PSMD5: variants seen among roughly 807,000 people sequenced by gnomAD.
The protein encoded by PSMD5 is 26S proteasome non-ATPase regulatory subunit 5.
PSMD5 carries 40 observed loss-of-function variants against 52.1 expected under a neutral mutation model. The observed-to-expected ratio is 0.77, with a 90% CI of 0.60 to 1.00. The LOEUF (loss-of-function observed/expected upper bound fraction) is 1.00. PSMD5 is among the 50% of genes least tolerant of loss of function. PSMD5 has a pLI of 0.00. For synonymous variants in PSMD5, 211 were observed against 226.6 expected, an observed-to-expected ratio of 0.93 and a Z score of 0.62; for missense variants, 575 against 605.2, an observed-to-expected ratio of 0.95 and a Z score of 0.52.
At chr9:120,831,660 T>C in intron 3 of PSMD5, 172 bp downstream of exon 3, 2 of 1,126,018 alleles carry the variant, frequency 1.8e-6, no homozygotes, top group Non-Finnish European at 2.5e-6. Flanking sequence ...GAAAGGGGTT[T>C]ACTAGTATTT....
At chr9:120,842,119 C>T (rs753131145) in intron 1 of PSMD5, 20 of 153,880 alleles carry the variant, frequency 1.3e-4, no homozygotes, top group Non-Finnish European at 2.3e-4. Context: ...CCCCTAAACG[C>T]TTTTGGACTG....
At chr9:120,842,584 C>T (rs554597865) in intron 1 of PSMD5, 153 bp downstream of exon 1, 7 of 937,598 alleles carry the variant, frequency 7.5e-6, no homozygotes, top group African/African-American at 6.6e-5. Flanking sequence ...CCATCTCCTG[C>T]CTCTGAACCC....
rs756283653 is a variant in PSMD5 at position 120,821,450 on chromosome 9, G to A, written c.1021C>T (p.Arg341Cys). Residue 341 changes from arginine (R) to cysteine (C), a missense_variant, in exon 8 of 10, where the codon CGC becomes TGC. Transcript: ENST00000210313. ...TGATGTCCTATTCTCATAAGCAAGCGTTCAAAGCGAGTTCCTTTGAAGGAT... is the reference window on the plus strand; with the variant it reads ...TGATGTCCTATTCTCATAAGCAAGCATTCAAAGCGAGTTCCTTTGAAGGAT... Reference protein sequence around the residue: ...VLQKTGTRFERLLMRIGHQSK... With the variant: ...VLQKTGTRFECLLMRIGHQSK... 18 of 1,593,046 alleles carry A rather than the reference G, an allele frequency of 1.1e-5. No individual in the cohort carries two copies. The highest frequency in any genetic ancestry group is 7.4e-5 in the Admixed American group (4 of 54,090).
At chr9:120,818,325 T>C (rs750474605) in intron 9 of PSMD5, among the ~76,000 whole-genome samples, 162 bp from the exon 10 acceptor site, 2 of 152,220 alleles carry the variant, frequency 1.3e-5, no homozygotes, top group Admixed American at 6.5e-5. Flanking sequence ...AAAATAATCT[T>C]AAATATGAAA....
At chr9:120,835,733 A>C (rs545834394) in intron 1 of PSMD5, among the ~76,000 whole-genome samples, 55 of 152,242 alleles carry the variant, frequency 3.6e-4, no homozygotes, top group Non-Finnish European at 6.2e-4. Context: ...CTGTCTCAAA[A>C]AAAAAAAATA....
chr9:120,825,521 A>G (rs926663625), intron 6 of PSMD5, among the ~76,000 whole-genome samples: 1 of 152,234 alleles, frequency 6.6e-6, no homozygotes, highest in Non-Finnish European at 1.5e-5. Flanking sequence ...CAGCATGAAC[A>G]TTTTAATAAT....
chr9:120,836,993 G>T (rs930459978), intron 1 of PSMD5, among the ~76,000 whole-genome samples: 1 of 151,112 alleles, frequency 6.6e-6, no homozygotes, highest in African/African-American at 2.4e-5. Flanking sequence ...AGGTTCAAGC[G>T]ATTCTCCTGC....
At position 120,833,672 on chromosome 9, in the gene PSMD5, C is replaced by CTTTT. The variant is rs71385094; in HGVS notation, c.174-220_174-217dup. On this transcript the variant is annotated intron_variant, in intron 1 of 9. Coordinates refer to ENST00000210313, the MANE Select transcript of PSMD5 (RefSeq NM_005047.4). ...AGAATAAGATATGCACTCTAGTCTTCTTTTTTTTTTTTTTTTTTTTTTTTG... is the reference window on the plus strand; with the variant it reads ...AGAATAAGATATGCACTCTAGTCTTCTTTTTTTTTTTTTTTTTTTTTTTTTTTTG... Among the ~76,000 whole-genome samples, 349 of 85,626 alleles carry CTTTT rather than the reference C, an allele frequency of 4.1e-3. 8 individuals are homozygous for CTTTT. The highest frequency in any genetic ancestry group is 4.8e-3 in the African/African-American group (100 of 20,920). The allele number at this position is 85,626 out of a possible 152,430, so 56.2% of individuals were successfully genotyped here.
chr9:120,818,740 A>T (rs906912683), intron 9 of PSMD5, among the ~76,000 whole-genome samples: 1 of 152,020 alleles, frequency 6.6e-6, no homozygotes, highest in Non-Finnish European at 1.5e-5. Context: ...ATTTTAAAAA[A>T]ACGTAACATT....
In PSMD5 at chr9:120,820,834, C is replaced by G. The variant is rs377279880; in HGVS notation, c.1257+5G>C. ...CCAGAAGGACCTATGGAAGTGAATA[C>G]CTACCGTAAACACTTTTAAGGCAGC... On this transcript the variant is annotated splice_donor_5th_base_variant and intron_variant, in intron 9 of 9. Coordinates refer to ENST00000210313, the MANE Select transcript of PSMD5 (RefSeq NM_005047.4). 2 of 1,562,152 alleles carry G rather than the reference C, an allele frequency of 1.3e-6. No individual in the cohort carries two copies. Among genetic ancestry groups the G allele is most frequent in the Non-Finnish European group, 1.7e-6 (2 of 1,162,956 alleles).
chr9:120,834,360 C>T (rs565062133), intron 1 of PSMD5, among the ~76,000 whole-genome samples: 5 of 151,974 alleles, frequency 3.3e-5, no homozygotes, highest in East Asian at 2.0e-4. Flanking sequence ...GATAAATAAA[C>T]GCTATGGGCT....
In PSMD5 at chr9:120,842,793, C is replaced by T. The variant is rs1396702508; in HGVS notation, c.117G>A (p.Gln39=). ...GGCCGAGGCGCAGCTCCGCCGCTTG[C>T]TGGCGAAGCTCGTTGAGCGGCACTG... is the stretch of plus-strand genomic sequence containing the variant. The part of the protein sequence containing the change: ...LQAVPLNELR[Q]QAAELRLGPL... Residue 39 remains glutamine (Q), a synonymous_variant, in exon 1 of 10, where the codon CAG becomes CAA. Transcript: ENST00000210313. 1 of 1,612,798 alleles carries T rather than the reference C, an allele frequency of 6.2e-7. No homozygotes were observed. The highest frequency in any genetic ancestry group is 1.7e-5 in the Admixed American group (1 of 60,010).
chr9:120,836,715 C>T (rs183283129), intron 1 of PSMD5, among the ~76,000 whole-genome samples: 1 of 151,972 alleles, frequency 6.6e-6, no homozygotes, highest in East Asian at 1.9e-4. Flanking sequence ...ACTTCTTGTT[C>T]AAATCTTTGG....
At chr9:120,838,089 G>C (rs1402008970) in intron 1 of PSMD5, among the ~76,000 whole-genome samples, 2 of 152,244 alleles carry the variant, frequency 1.3e-5, no homozygotes, top group Non-Finnish European at 2.9e-5. Flanking sequence ...TCTACAGTGA[G>C]AGAAAGCAGA....
At chr9:120,818,419 TG>T (rs2045060064) in intron 9 of PSMD5, among the ~76,000 whole-genome samples, 1 of 152,150 alleles carries the variant, frequency 6.6e-6, no homozygotes, top group South Asian at 2.1e-4. Flanking sequence ...AAGTAAATTA[TG>T]GTATATAGCA....
chr9:120,830,062 T>G (rs1217688088), intron 4 of PSMD5, among the ~76,000 whole-genome samples: 1 of 152,074 alleles, frequency 6.6e-6, no homozygotes, highest in Non-Finnish European at 1.5e-5. Context: ...GTGACACCAG[T>G]AAGTTAGTCT....
rs1192517835 is a variant in PSMD5 at position 120,842,794 on chromosome 9, T to A, written c.116A>T (p.Gln39Leu). ...GCCGAGGCGCAGCTCCGCCGCTTGC[T>A]GGCGAAGCTCGTTGAGCGGCACTGC... ...LQAVPLNELR[Q>L]QAAELRLGPL... The change falls in exon 1 of 10, where the codon CAG (glutamine) becomes CTG (leucine). Residue 39 changes from glutamine (Q) to leucine (L), a missense_variant. Transcript: ENST00000210313. The A allele has an allele frequency of 6.2e-7, 1 of 1,612,764 alleles. No individual in the cohort carries two copies. The highest frequency in any genetic ancestry group is 8.5e-7 in the Non-Finnish European group (1 of 1,179,974).
rs145689773 is a variant in PSMD5, at chr9:120,821,755, A to G, written c.1007-291T>C. 3.4e-3 allele frequency among the ~76,000 whole-genome samples: 515 copies of G among 152,316 alleles called. 1 individual carries two copies. The highest frequency in any genetic ancestry group is 6.0e-3 in the South Asian group (29 of 4,824). On this transcript the variant is annotated intron_variant, in intron 7 of 9. Coordinates refer to ENST00000210313, the MANE Select transcript of PSMD5 (RefSeq NM_005047.4). The stretch of plus-strand genomic sequence containing the variant: ...CATCTCATCTAAGTGGAATCATACA[A>G]TATCTGTCCTTATGTGTTTGGCTTA...
intron 1 of PSMD5, among the ~76,000 whole-genome samples, chr9:120,839,710 TAAATGATC>T (rs2045220266): frequency 6.6e-6 from 1 of 152,106 alleles, no homozygotes; most frequent in African/African-American, 2.4e-5. Flanking sequence ...AAAACTCTTT[TAAATGATC>T]AAATTATCAA....
Sources: gnomAD v4.1 joint callset for allele counts (sites outside exome capture counted in the v4.1 genomes callset) on GRCh38, gnomAD v4.1.1 for gene constraint, MANE v1.5 for transcripts, NCBI Gene and HGNC (gene_info 2026-07-23, HGNC 2026-07-21) for gene names.